CCDC7: variants seen among roughly 807,000 people sequenced by gnomAD.
CCDC7 encodes coiled-coil domain-containing protein 7.
A neutral mutation model predicts 196.9 loss-of-function variants in CCDC7; 183 were observed. The observed-to-expected ratio is 0.93, with a 90% CI of 0.82 to 1.05. The LOEUF (loss-of-function observed/expected upper bound fraction) is 1.05, where lower values mean the gene tolerates loss of function less well. CCDC7 is among the 50% of genes least tolerant of loss of function. The pLI is 0.00. For synonymous variants in CCDC7, 525 were observed against 484.6 expected, an observed-to-expected ratio of 1.08 and a Z score of -1.10; for missense variants, 1,540 against 1,482.2, an observed-to-expected ratio of 1.04 and a Z score of -0.64.
intron 8 of CCDC7, among the ~76,000 whole-genome samples, chr10:32,485,214 G>C (rs1216020678): frequency 1.3e-5 from 2 of 152,152 alleles, no homozygotes; most frequent in South Asian, 2.1e-4. Context: ...ACTTCTTCCT[G>C]GTTTAGTCTT....
At chr10:32,651,808 G>T (rs1231057578) in intron 20 of CCDC7, among the ~76,000 whole-genome samples, 1 of 152,190 alleles carries the variant, frequency 6.6e-6, no homozygotes, top group African/African-American at 2.4e-5. Flanking sequence ...GGGTTAGAAT[G>T]TTTCTGGTCA....
chr10:32,847,342 T>C (rs2136201421), intron 37 of CCDC7, among the ~76,000 whole-genome samples: 1 of 151,934 alleles, frequency 6.6e-6, no homozygotes, highest in East Asian at 1.9e-4. Context: ...CAGTGAAGTG[T>C]GACCTACACC....
At chr10:32,595,673 G>T (rs188032396) in intron 18 of CCDC7, among the ~76,000 whole-genome samples, 1 of 152,022 alleles carries the variant, frequency 6.6e-6, no homozygotes. Flanking sequence ...TTCTCTTGTC[G>T]GCATTTAGTG....
intron 18 of CCDC7, among the ~76,000 whole-genome samples, chr10:32,587,862 A>G (rs975838654): frequency 1.3e-5 from 2 of 152,140 alleles, no homozygotes; most frequent in Admixed American, 6.5e-5. Context: ...GTCTTTCACA[A>G]TTGGATATTG....
chr10:32,629,287 T>C (rs1429650557), intron 18 of CCDC7, among the ~76,000 whole-genome samples: 2 of 152,240 alleles, frequency 1.3e-5, no homozygotes, highest in East Asian at 3.9e-4. Context: ...TGACTGGAAG[T>C]TTATTTTTTT....
At chr10:32,489,764 G>C (rs150511121) in intron 8 of CCDC7, among the ~76,000 whole-genome samples, 5,819 of 152,204 alleles carry the variant, frequency 0.038, 121 homozygotes, top group Non-Finnish European at 0.05. Context: ...GGTGGGGCTA[G>C]CCCTCAGTGA....
intron 18 of CCDC7, among the ~76,000 whole-genome samples, chr10:32,590,559 T>G (rs530079783): frequency 1.1e-4 from 17 of 152,292 alleles, no homozygotes; most frequent in Non-Finnish European, 1.6e-4. Context: ...TGTTTTTCTA[T>G]CTGCTACTAC....
intron 41 of CCDC7, among the ~76,000 whole-genome samples, chr10:32,871,666 T>C (rs890558391): frequency 7.9e-5 from 12 of 152,192 alleles, no homozygotes; most frequent in Admixed American, 7.9e-4. Context: ...TTGCTCTTGC[T>C]TCTCTCGTTC....
At chr10:32,756,518 G>A (rs2076475178) in intron 28 of CCDC7, among the ~76,000 whole-genome samples, 1 of 152,104 alleles carries the variant, frequency 6.6e-6, no homozygotes, top group African/African-American at 2.4e-5. Flanking sequence ...CATAAGTGAA[G>A]GAGAAATAAA....
downstream of CCDC7, chr10:32,877,050 A>G (rs979636150): frequency 7.2e-5 from 11 of 152,106 alleles, no homozygotes; most frequent in African/African-American, 2.7e-4. Context: ...CAGTAATATT[A>G]ATCTAAATAT....
At chr10:32,587,680 T>C (rs940890064) in intron 18 of CCDC7, among the ~76,000 whole-genome samples, 2 of 152,216 alleles carry the variant, frequency 1.3e-5, no homozygotes, top group African/African-American at 4.8e-5. Context: ...TGAAATTATA[T>C]GTATATATGA....
downstream of CCDC7, among the ~76,000 whole-genome samples, chr10:32,877,939 G>A (rs1400038497): frequency 6.6e-6 from 1 of 151,826 alleles, no homozygotes; most frequent in Non-Finnish European, 1.5e-5. Context: ...ATATGCAAAT[G>A]GTTGCAGTTG....
chr10:32,685,098 C>G (rs1441760482), intron 21 of CCDC7, among the ~76,000 whole-genome samples: 1 of 151,954 alleles, frequency 6.6e-6, no homozygotes. Context: ...TGTATTCTTA[C>G]ATTTCACCTG....
At chr10:32,711,820 C>G in intron 25 of CCDC7, 90 bp downstream of exon 26, 1 of 618,648 alleles carries the variant, frequency 1.6e-6, no homozygotes, top group Non-Finnish European at 2.6e-6. Context: ...TATTTGAGAA[C>G]ATATATTTTA....
chr10:32,674,752 A>G (rs1055024554), intron 21 of CCDC7, among the ~76,000 whole-genome samples: 8 of 152,006 alleles, frequency 5.3e-5, no homozygotes, highest in African/African-American at 1.7e-4. Flanking sequence ...ACACAGGTAT[A>G]TTTATCATTG....
chr10:32,737,577 T>A (rs1312128748), intron 28 of CCDC7, among the ~76,000 whole-genome samples: 1 of 152,164 alleles, frequency 6.6e-6, no homozygotes, highest in Non-Finnish European at 1.5e-5. Flanking sequence ...ACTATATTCT[T>A]AGTGATTTTC....
At position 32,743,158 on chromosome 10, in the gene CCDC7, A is replaced by G. The variant is rs148425709; in HGVS notation, c.2905+13701A>G. On this transcript the variant is annotated intron_variant, in intron 28 of 41. Transcript: ENST00000639629. The stretch of plus-strand genomic sequence containing the variant: ...AGGTTTGTATATGGACATGTTTTCA[A>G]TTCATTTGGGTAAATATCAAGTAGT... Among the ~76,000 whole-genome samples the G allele has an allele frequency of 3.7e-3, 557 of 152,322 alleles. 3 individuals carry two copies. The highest frequency in any genetic ancestry group is 0.013 in the African/African-American group (530 of 41,574).
intron 31 of CCDC7, among the ~76,000 whole-genome samples, chr10:32,818,265 A>G (rs1024233419): frequency 3.3e-5 from 5 of 152,256 alleles, no homozygotes; most frequent in Admixed American, 2.6e-4. Context: ...TGGTAAAGAG[A>G]TCAATTCAAC....
intron 24 of CCDC7, among the ~76,000 whole-genome samples, chr10:32,695,719 A>G (rs2077623103): frequency 6.6e-6 from 1 of 152,220 alleles, no homozygotes; most frequent in Non-Finnish European, 1.5e-5. Context: ...AGGACATTAA[A>G]GGTGTAATGC....
Sources: allele counts gnomAD v4.1 joint callset (sites outside exome capture counted in the v4.1 genomes callset), GRCh38; gene constraint gnomAD v4.1.1; transcripts MANE v1.5; gene names NCBI Gene and HGNC (gene_info 2026-07-23, HGNC 2026-07-21).